FRMD4A: variants seen among roughly 807,000 people sequenced by gnomAD.
FRMD4A encodes the protein FERM domain containing 4A.
In FRMD4A, 29 loss-of-function variants were observed where a neutral mutation model predicts 129.1. That is an observed-to-expected ratio of 0.22 (90% CI 0.17 to 0.31). FRMD4A has a LOEUF of 0.31. Among genes scored for constraint, FRMD4A ranks in the 10% least tolerant of loss-of-function variants. The probability of loss-of-function intolerance (pLI) is 1.00; values close to 1 mark genes in which losing one functional copy is unlikely to be tolerated. For missense variants in FRMD4A, 1,272 were observed against 1,375.8 expected, an observed-to-expected ratio of 0.92 and a Z score of 1.19; for synonymous variants, 634 against 571.6, an observed-to-expected ratio of 1.11 and a Z score of -1.56.
chr10:14,053,397 C>A (rs898763386), intron 2 of FRMD4A, among the ~76,000 whole-genome samples: 3 of 152,128 alleles, frequency 2.0e-5, no homozygotes, highest in Non-Finnish European at 4.4e-5. Context: ...CAGGGGGCAC[C>A]TTGTGCAGCC....
At chr10:14,089,685 A>G (rs1405812999) in intron 2 of FRMD4A, among the ~76,000 whole-genome samples, 1 of 151,394 alleles carries the variant, frequency 6.6e-6, no homozygotes, top group Non-Finnish European at 1.5e-5. Flanking sequence ...ACCAGACTGT[A>G]GTTTCCCTGG....
At chr10:13,873,219 T>C (rs2094456972) in intron 2 of FRMD4A, among the ~76,000 whole-genome samples, 1 of 143,380 alleles carries the variant, frequency 7.0e-6, no homozygotes, top group Admixed American at 7.1e-5. Flanking sequence ...AATAGTTAGA[T>C]GGAGACCCCA....
chr10:13,726,300 A>G (rs921705476), intron 12 of FRMD4A, among the ~76,000 whole-genome samples: 1 of 152,124 alleles, frequency 6.6e-6, no homozygotes. Context: ...AACAAAACAA[A>G]ACAAAAAAGA....
intron 12 of FRMD4A, among the ~76,000 whole-genome samples, chr10:13,730,291 C>T (rs886327740): frequency 1.3e-5 from 2 of 152,132 alleles, no homozygotes; most frequent in South Asian, 4.2e-4. Context: ...TGTGGGATCC[C>T]GATTCTGCAA....
intron 2 of FRMD4A, among the ~76,000 whole-genome samples, chr10:14,031,810 T>A (rs1299329535): frequency 6.6e-6 from 1 of 152,184 alleles, no homozygotes; most frequent in Admixed American, 6.5e-5. Flanking sequence ...ATCCAGGAAG[T>A]CTGCTGGTTG....
intron 15 of FRMD4A, among the ~76,000 whole-genome samples, chr10:13,688,151 CCAA>C (rs1175244158): frequency 6.6e-6 from 1 of 152,130 alleles, no homozygotes; most frequent in Non-Finnish European, 1.5e-5. Flanking sequence ...ACCTAAATGT[CCAA>C]CAACGATAGA....
At chr10:13,991,301 C>T (rs1275253447) in intron 2 of FRMD4A, among the ~76,000 whole-genome samples, 1 of 152,208 alleles carries the variant, frequency 6.6e-6, no homozygotes, top group Non-Finnish European at 1.5e-5. Flanking sequence ...AGCCTCTTTT[C>T]CAGCCCTTAT....
chr10:14,174,186 C>T (rs887028536), intron 2 of FRMD4A, among the ~76,000 whole-genome samples: 37 of 152,196 alleles, frequency 2.4e-4, no homozygotes, highest in African/African-American at 7.5e-4. Flanking sequence ...CACCGCCACC[C>T]GGTCTAACTT....
intron 2 of FRMD4A, chr10:13,891,766 C>CCCGTCCCCGCCG (rs2094700053): frequency 2.0e-6 from 2 of 981,588 alleles, no homozygotes; most frequent in African/African-American, 3.5e-5. Flanking sequence ...GAGCCCCCGC[C>CCCGTCCCCGCCG]CCGTCCCCGC....
intron 3 of FRMD4A, among the ~76,000 whole-genome samples, chr10:13,846,250 T>C (rs922775977): frequency 6.6e-6 from 1 of 152,232 alleles, no homozygotes; most frequent in African/African-American, 2.4e-5. Flanking sequence ...GCCAAAGTAA[T>C]TGTGGTTTTT....
At chr10:13,724,204 T>C (rs2089701036) in intron 12 of FRMD4A, among the ~76,000 whole-genome samples, 1 of 151,834 alleles carries the variant, frequency 6.6e-6, no homozygotes, top group East Asian at 1.9e-4. Flanking sequence ...CTGGCTAACA[T>C]GGTGAAACCC....
chr10:14,117,598 G>A (rs1838264230), intron 2 of FRMD4A, among the ~76,000 whole-genome samples: 1 of 152,232 alleles, frequency 6.6e-6, no homozygotes, highest in African/African-American at 2.4e-5. Flanking sequence ...CCAAATGGCA[G>A]CATTGCTAGG....
Position 13,925,050 on chromosome 10 carries a change from C to T in FRMD4A, c.46-66138G>A, listed in dbSNP as rs186623991. Among the ~76,000 whole-genome samples, 267 of 120,976 alleles carry T rather than the reference C, an allele frequency of 2.2e-3. 1 individual carries two copies. The highest frequency in any genetic ancestry group is 8.2e-3 in the African/African-American group (253 of 30,682). The allele number at this position is 120,976 out of a possible 152,430, so 79.4% of individuals were successfully genotyped here. On this transcript the variant is annotated intron_variant, in intron 2 of 24. Transcript: ENST00000357447. ...CTGCACTCCAGCTCTGGTGACAGTGCGAGACTCCGTGTAAAAAAAAAAAAA... is the reference window on the plus strand; with the variant it reads ...CTGCACTCCAGCTCTGGTGACAGTGTGAGACTCCGTGTAAAAAAAAAAAAA...
At position 13,707,132 on chromosome 10, in the gene FRMD4A, A is replaced by C. The variant is rs373762380; in HGVS notation, c.760-19T>G. On this transcript the variant is annotated intron_variant, in intron 12 of 24. Coordinates refer to ENST00000357447, the MANE Select transcript of FRMD4A (RefSeq NM_018027.5). Reference sequence around the variant, plus strand: ...GGAATATCTGGACAGAAAACAGTGTAGTTTAAAACTCAGGAGGGGCTGGCT... The same window carrying C: ...GGAATATCTGGACAGAAAACAGTGTCGTTTAAAACTCAGGAGGGGCTGGCT... 6 of 1,388,130 alleles carry C rather than the reference A, an allele frequency of 4.3e-6. No individual in the cohort carries two copies. Among genetic ancestry groups the C allele is most frequent in the East Asian group, 4.6e-5 (2 of 43,610 alleles). The allele number at this position is 1,388,130 out of a possible 1,614,324, so 86.0% of individuals were successfully genotyped here.
At chr10:13,820,380 T>A (rs997349225) in intron 3 of FRMD4A, among the ~76,000 whole-genome samples, 4 of 152,148 alleles carry the variant, frequency 2.6e-5, no homozygotes, top group African/African-American at 9.7e-5. Context: ...ACTGTCCCTG[T>A]GGCACTCTGG....
intron 6 of FRMD4A, among the ~76,000 whole-genome samples, chr10:13,781,687 G>A (rs1392592591): frequency 6.6e-6 from 1 of 152,122 alleles, no homozygotes; most frequent in East Asian, 1.9e-4. Context: ...CAACATGGAT[G>A]AACCTTGAGG....
chr10:14,198,240 C>T (rs1053741073), intron 2 of FRMD4A, among the ~76,000 whole-genome samples: 16 of 152,196 alleles, frequency 1.1e-4, no homozygotes, highest in African/African-American at 3.1e-4. Flanking sequence ...TCAAGGACTG[C>T]GTTCCTTGTG....
intron 2 of FRMD4A, among the ~76,000 whole-genome samples, chr10:13,968,322 C>T (rs913418224): frequency 1.3e-5 from 2 of 152,200 alleles, no homozygotes; most frequent in African/African-American, 4.8e-5. Flanking sequence ...TGCTTAAAAT[C>T]GCTAATAAAT....
chr10:14,112,210 G>T (rs74122485), intron 2 of FRMD4A, among the ~76,000 whole-genome samples: 1,595 of 152,256 alleles, frequency 0.01, 22 homozygotes, highest in African/African-American at 0.036. Context: ...TGGCCCAGCT[G>T]GGGAGGGCCC....
Sources: gnomAD v4.1 joint callset for allele counts (sites outside exome capture counted in the v4.1 genomes callset) on GRCh38, gnomAD v4.1.1 for gene constraint, MANE v1.5 for transcripts, NCBI Gene and HGNC (gene_info 2026-07-23, HGNC 2026-07-21) for gene names.